Variants in GRM4 observed in about 807,000 individuals in gnomAD.
The protein encoded by GRM4 is metabotropic glutamate receptor 4.
A neutral mutation model predicts 81.7 loss-of-function variants in GRM4; 28 were observed. That is an observed-to-expected ratio of 0.34 (90% CI 0.25 to 0.47). The LOEUF (loss-of-function observed/expected upper bound fraction) is 0.47, where lower values mean the gene tolerates loss of function less well. GRM4 is among the 20% of genes least tolerant of loss of function. The pLI, the probability that GRM4 is intolerant of heterozygous loss-of-function variation, is 1.00. For synonymous variants in GRM4, 488 were observed against 528.8 expected, an observed-to-expected ratio of 0.92 and a Z score of 1.06; for missense variants, 948 against 1,290.0, an observed-to-expected ratio of 0.73 and a Z score of 4.06.
chr6:34,036,648 C>T lies in GRM4; in HGVS notation c.1507-45G>A, dbSNP rs4711373. 3,937 of 1,091,348 alleles carry T rather than the reference C, an allele frequency of 3.6e-3. 203 individuals are homozygous for T. The Admixed American group carries it at 0.076, about 21-fold the overall frequency. The allele number at this position is 1,091,348 out of a possible 1,614,324, so 67.6% of individuals were successfully genotyped here. ...AAAGCAGGCCTCAGAACATGCCACC[C>T]GGTGCCCCGGACCATCCTACTGGGT... On this transcript the variant is annotated intron_variant, in intron 8 of 10. Transcript: ENST00000538487. The surrounding 1 kb of genome is among the most constrained non-coding windows in gnomAD (Gnocchi z 9.0).
intron 2 of GRM4, among the ~76,000 whole-genome samples, chr6:34,093,716 G>T (rs947719797): frequency 2.0e-5 from 3 of 152,136 alleles, no homozygotes; most frequent in South Asian, 2.1e-4. Context: ...GGACAGTGAG[G>T]GTCCACCCTC....
intron 3 of GRM4, among the ~76,000 whole-genome samples, chr6:34,065,339 C>T (rs953712369): frequency 6.6e-5 from 10 of 152,284 alleles, no homozygotes; most frequent in African/African-American, 2.2e-4. Context: ...GGGAGGGGCA[C>T]GCCTCCTCAC....
At chr6:34,044,697 C>CTG (rs1348469357) in intron 6 of GRM4, among the ~76,000 whole-genome samples, 188 of 144,160 alleles carry the variant, frequency 1.3e-3, no homozygotes, top group African/African-American at 4.0e-3. Flanking sequence ...CATACATACA[C>CTG]ATATATACAG....
intron 3 of GRM4, among the ~76,000 whole-genome samples, chr6:34,067,156 T>C (rs1441000725): frequency 6.6e-6 from 1 of 151,968 alleles, no homozygotes; most frequent in East Asian, 1.9e-4. Flanking sequence ...GAACATGACA[T>C]AGACACTTCG....
intron 2 of GRM4, among the ~76,000 whole-genome samples, chr6:34,103,402 G>A (rs1308700159): frequency 6.6e-6 from 1 of 152,222 alleles, no homozygotes; most frequent in Non-Finnish European, 1.5e-5. Flanking sequence ...GGTACGGAGG[G>A]GAGAGCCTCG....
chr6:34,137,054 G>A (rs965432821), intron 1 of GRM4, among the ~76,000 whole-genome samples: 3 of 152,162 alleles, frequency 2.0e-5, no homozygotes, highest in African/African-American at 7.2e-5. Flanking sequence ...TCCTTGCCCA[G>A]TTTTCAGACA....
intron 2 of GRM4, among the ~76,000 whole-genome samples, chr6:34,105,567 TCC>T (rs1482245536): frequency 6.6e-6 from 1 of 151,970 alleles, no homozygotes; most frequent in Non-Finnish European, 1.5e-5. Flanking sequence ...ACCCTGGTGG[TCC>T]CCAGGGCTCA....
At chr6:34,086,217 G>A (rs1767882695) in intron 3 of GRM4, among the ~76,000 whole-genome samples, 1 of 152,230 alleles carries the variant, frequency 6.6e-6, no homozygotes. Flanking sequence ...GAGTCTCACA[G>A]CCCACTGGAT....
chr6:34,050,151 C>T (rs907287160), intron 6 of GRM4, among the ~76,000 whole-genome samples: 1 of 152,228 alleles, frequency 6.6e-6, no homozygotes, highest in African/African-American at 2.4e-5. Flanking sequence ...CTCCCCCAGG[C>T]TTGCCAGGCA....
At chr6:34,037,124 C>T (rs753983510) in intron 8 of GRM4, among the ~76,000 whole-genome samples, 30 of 152,242 alleles carry the variant, frequency 2.0e-4, no homozygotes, top group African/African-American at 6.3e-4. Context: ...TGCTGCCCTA[C>T]GGCCCAGCCC....
intron 2 of GRM4, among the ~76,000 whole-genome samples, chr6:34,107,830 G>A (rs1051511319): frequency 6.6e-6 from 1 of 152,200 alleles, no homozygotes; most frequent in Non-Finnish European, 1.5e-5. Context: ...CTGGACCGGG[G>A]TGTCTATGGA....
At chr6:34,139,163 T>C (rs1561835738) in intron 1 of GRM4, among the ~76,000 whole-genome samples, 1 of 152,174 alleles carries the variant, frequency 6.6e-6, no homozygotes, top group African/African-American at 2.4e-5. Context: ...CGTGAGCTGC[T>C]CCGGCTCACC....
chr6:34,091,799 C>T (rs1383797101), intron 3 of GRM4, 84 bp downstream of exon 3: 16 of 1,002,148 alleles, frequency 1.6e-5, no homozygotes, highest in African/African-American at 4.8e-5. Context: ...TATCAGGCCC[C>T]GGCTGGGAGC....
intron 6 of GRM4, among the ~76,000 whole-genome samples, chr6:34,045,989 C>T (rs746930681): frequency 6.6e-6 from 1 of 152,198 alleles, no homozygotes; most frequent in Non-Finnish European, 1.5e-5. Context: ...GTGGTTACTA[C>T]GGCGACTGCA....
intron 2 of GRM4, among the ~76,000 whole-genome samples, chr6:34,108,194 T>C (rs1170209937): frequency 1.3e-5 from 2 of 152,234 alleles, no homozygotes; most frequent in African/African-American, 4.8e-5. Context: ...CGGGAAGATC[T>C]GAATTCTAAC....
intron 2 of GRM4, among the ~76,000 whole-genome samples, chr6:34,095,229 G>A (rs11970029): frequency 0.034 from 5,217 of 152,202 alleles, 88 homozygotes; most frequent in African/African-American, 0.047. Context: ...TTTGAGATGC[G>A]GGTGAGGGAA....
In GRM4 at chr6:34,056,529, G is replaced by A. The variant is rs754043664; in HGVS notation, c.1168+15C>T. 16 of 1,608,170 alleles carry A rather than the reference G, an allele frequency of 9.9e-6. No homozygotes were observed. In the Admixed American group the frequency reaches 2.0e-4, roughly 20 times the overall value. On this transcript the variant is annotated intron_variant, in intron 6 of 10. Transcript: ENST00000538487. ...TCCTAGAGCCCGCCCGGCCCTGCCC[G>A]GCCCGCGTGCTCACTGGTGCACTTC...
chr6:34,036,653 C>G lies in GRM4; in HGVS notation c.1507-50G>C, dbSNP rs756551899. ...AGGCCTCAGAACATGCCACCCGGTG[C>G]CCCGGACCATCCTACTGGGTGGTGG... On this transcript the variant is annotated intron_variant, in intron 8 of 10. Coordinates refer to ENST00000538487, the MANE Select transcript of GRM4 (RefSeq NM_000841.4). The surrounding 1 kb of genome is among the most constrained non-coding windows in gnomAD (Gnocchi z 9.0). The G allele has an allele frequency of 2.9e-6, 3 of 1,044,516 alleles. No homozygotes were observed. Among genetic ancestry groups the G allele is most frequent in the Non-Finnish European group, 2.8e-6 (2 of 712,022 alleles). 64.7% of individuals were successfully genotyped at this position (1,044,516 alleles called of 1,614,324 possible). A position where few individuals can be genotyped will look rare whatever the true frequency, so the allele number is the denominator to read the frequency against.
At chr6:34,134,107 G>A (rs1770360094) in intron 1 of GRM4, among the ~76,000 whole-genome samples, 2 of 152,068 alleles carry the variant, frequency 1.3e-5, no homozygotes, top group African/African-American at 4.8e-5. Context: ...TCAGTAGCCC[G>A]GGCATCAGAG....
Sources: allele counts gnomAD v4.1 joint callset (sites outside exome capture counted in the v4.1 genomes callset), GRCh38; gene constraint gnomAD v4.1.1; non-coding constraint Gnocchi (gnomAD v3.1); transcripts MANE v1.5; gene names NCBI Gene and HGNC (gene_info 2026-07-23, HGNC 2026-07-21).